The following MCM7 variants were observed in gnomAD, a reference collection of about 807,000 sequenced individuals.
MCM7 encodes DNA replication licensing factor MCM7.
In MCM7, 95 loss-of-function variants were observed where a neutral mutation model predicts 83.5. The ratio of observed to expected loss-of-function variants is 1.14; its 90% CI spans 0.96 to 1.35. The LOEUF (loss-of-function observed/expected upper bound fraction) is 1.35. Among genes scored for constraint, MCM7 ranks in the 40% most tolerant of loss-of-function variants. The pLI is 0.00. For synonymous variants in MCM7, 461 were observed against 352.7 expected (o/e 1.31, Z -3.44); for missense variants, 1,087 against 957.4 (o/e 1.14, Z -1.79).
rs943089198 is a variant in MCM7 at position 100,101,085 on chromosome 7, C to T, written c.31+179G>A. The T allele has an allele frequency of 2.0e-5, 15 of 763,092 alleles. No individual in the cohort carries two copies. In the Admixed American group the frequency reaches 2.5e-4, roughly 13 times the overall value. The allele number at this position is 763,092 out of a possible 1,614,324, so 47.3% of individuals were successfully genotyped here. Reference sequence around the variant, plus strand: ...ACTAGCTTTTCTTCAACATCGATGGCCCCCCGCACGCTTCCCAGGCCCCGT... The same window carrying T: ...ACTAGCTTTTCTTCAACATCGATGGTCCCCCGCACGCTTCCCAGGCCCCGT... On this transcript the variant is annotated intron_variant, in intron 1 of 14. Coordinates refer to ENST00000303887, the MANE Select transcript of MCM7 (RefSeq NM_005916.5).
intron 14 of MCM7, 35 bp from the exon 15 acceptor site, chr7:100,093,168 A>C (rs990807421): frequency 5.0e-6 from 8 of 1,608,942 alleles, no homozygotes; most frequent in African/African-American, 2.7e-5. Context: ...AGGTCAGGAT[A>C]CAAACAGGAA....
intron 10 of MCM7, 88 bp from the exon 11 acceptor site, chr7:100,096,255 C>A: frequency 7.4e-7 from 1 of 1,346,842 alleles, no homozygotes; most frequent in Non-Finnish European, 9.9e-7. Context: ...GGAGGCGAGG[C>A]CTGCGCTGGG....
chr7:100,098,555 A>C, intron 6 of MCM7, 23 bp downstream of exon 6: 1 of 1,613,876 alleles, frequency 6.2e-7, no homozygotes, highest in Non-Finnish European at 8.5e-7. Flanking sequence ...CCACCTGCCC[A>C]GGGCCACGTA....
In MCM7 at chr7:100,094,156, G is replaced by C. The variant is rs749405491; in HGVS notation, c.1848+17C>G. 2 of 1,614,104 alleles carry C rather than the reference G, an allele frequency of 1.2e-6. No individual in the cohort carries two copies. The highest frequency in any genetic ancestry group is 4.5e-5 in the East Asian group (2 of 44,882). ...AAGGGTCAAAACAGATGGCCCTCCA[G>C]CAATTTGGGCACTTACCAGAGCAGT... On this transcript the variant is annotated intron_variant, in intron 13 of 14. Coordinates refer to ENST00000303887, the MANE Select transcript of MCM7 (RefSeq NM_005916.5).
In MCM7 at chr7:100,099,380, G is replaced by A. The variant is rs752247025; in HGVS notation, c.300C>T (p.Asp100=). The change falls in exon 4 of 15, where the codon GAC becomes GAT. Residue 100 remains aspartate, a synonymous_variant. Transcript: ENST00000303887. Reference sequence around the variant, plus strand: ...TCATTAGCCGATGCTCAATGTAAACGTCCAGGACATCTTTATTTACCACCT... The same window carrying A: ...TCATTAGCCGATGCTCAATGTAAACATCCAGGACATCTTTATTTACCACCT... The part of the protein sequence containing the change: ...EREVVNKDVL[D]VYIEHRLMME... 7 of 1,593,262 alleles carry A rather than the reference G, an allele frequency of 4.4e-6. No individual in the cohort carries two copies. Among genetic ancestry groups the A allele is most frequent in the East Asian group, 4.6e-5 (2 of 43,774 alleles).
Position 100,093,110 on chromosome 7 carries a change from A to G in MCM7, c.1982T>C (p.Ile661Thr), listed in dbSNP as rs1795399750. ...TARTQRPADV[I>T]FATVRELVSG... ...GACCAGTTCACGGACGGTGGCAAAT[A>G]TCACATCTGCTGGTCTCTGAGTCCT... Residue 661 changes from isoleucine to threonine, a missense_variant, in exon 15 of 15, where the codon ATA becomes ACA. Coordinates refer to ENST00000303887, the MANE Select transcript of MCM7 (RefSeq NM_005916.5). 1 of 1,614,078 alleles carries G rather than the reference A, an allele frequency of 6.2e-7. No homozygotes were observed. The highest frequency in any genetic ancestry group is 1.3e-5 in the African/African-American group (1 of 75,040).
rs779913239 is a variant in MCM7 at position 100,098,683 on chromosome 7, C to T, written c.615G>A (p.Met205Ile). The T allele has an allele frequency of 1.2e-6, 2 of 1,614,006 alleles. No individual in the cohort carries two copies. The highest frequency in any genetic ancestry group is 2.2e-5 in the South Asian group (2 of 91,080). The change falls in exon 6 of 15, where the codon ATG becomes ATA. Residue 205 changes from methionine to isoleucine, a missense_variant. Transcript: ENST00000303887. ...IQSPTFMPLI[M>I]CPSQECQTNR... is the part of the protein sequence containing the mutation. Reference sequence around the variant, plus strand: ...TGGTTTGGCACTCCTGGCTTGGGCACATGATCAGAGGCATGAAAGTGGGAG... The same window carrying T: ...TGGTTTGGCACTCCTGGCTTGGGCATATGATCAGAGGCATGAAAGTGGGAG...
In MCM7 at chr7:100,094,187, G is replaced by T; in HGVS notation, c.1834C>A (p.Leu612Ile). Reference sequence around the variant, plus strand: ...TGGGCACTTACCAGAGCAGTGGAAAGGCGCAGGATAGCCAGCAGGGTCCGG... The same window carrying T: ...TGGGCACTTACCAGAGCAGTGGAAATGCGCAGGATAGCCAGCAGGGTCCGG... The part of the protein sequence containing the change: ...SARTLLAILR[L>I]STALARLRMV... Residue 612 changes from leucine to isoleucine, a missense_variant, in exon 13 of 15, where the codon CTT becomes ATT. By Grantham distance (5) the Leu-to-Ile change is conservative. Coordinates refer to ENST00000303887, the MANE Select transcript of MCM7 (RefSeq NM_005916.5). 6.2e-7 allele frequency: 1 copy of T among 1,614,244 alleles called. No homozygotes were observed. The highest frequency in any genetic ancestry group is 1.1e-5 in the South Asian group (1 of 91,088).
intron 3 of MCM7, 77 bp from the exon 4 acceptor site, chr7:100,099,480 G>C: frequency 8.2e-6 from 13 of 1,582,034 alleles, no homozygotes; most frequent in Non-Finnish European, 1.1e-5. Flanking sequence ...ACACCAGGCA[G>C]AAGTGCCCCT....
At chr7:100,095,302 A>G in intron 12 of MCM7, 85 bp downstream of exon 12, 1 of 1,205,998 alleles carries the variant, frequency 8.3e-7, no homozygotes, top group Non-Finnish European at 1.2e-6. Context: ...TGTGAAAAAC[A>G]CACACCCTAA....
Position 100,099,280 on chromosome 7 carries a change from A to G in MCM7, c.400T>C (p.Phe134Leu). The G allele has an allele frequency of 6.2e-7, 1 of 1,614,130 alleles. No homozygotes were observed. The highest frequency in any genetic ancestry group is 8.5e-7 in the Non-Finnish European group (1 of 1,180,004). ...TCTTTCCCGACAGAGACCACTCACA[A>G]TCTGCGCATGAGTTCAGCAGGGTAC... ...NQYPAELMRR[F>L]ELYFQGPSSN... The change falls in exon 4 of 15, where the codon TTT becomes CTT. Residue 134 changes from phenylalanine to leucine, a missense_variant and splice_region_variant. Transcript: ENST00000303887.
intron 7 of MCM7, 25 bp from the exon 8 acceptor site, chr7:100,097,973 C>T (rs748595676): frequency 2.5e-6 from 4 of 1,603,362 alleles, no homozygotes; most frequent in African/African-American, 1.3e-5. Context: ...TGCCAGGATA[C>T]AGATGTAATC....
rs1308273469 is a variant in MCM7, at chr7:100,094,205, G to A, written c.1816C>T (p.Leu606=). 6 of 1,614,110 alleles carry A rather than the reference G, an allele frequency of 3.7e-6. No homozygotes were observed. In the South Asian group the frequency reaches 5.5e-5, roughly 15 times the overall value. Residue 606 remains leucine (L), a synonymous_variant, in exon 13 of 15, where the codon CTG becomes TTG. Coordinates refer to ENST00000303887, the MANE Select transcript of MCM7 (RefSeq NM_005916.5). The stretch of plus-strand genomic sequence containing the variant: ...GTGGAAAGGCGCAGGATAGCCAGCA[G>A]GGTCCGGGCAGAAGTATAGGTGGCA... ...KDATYTSART[L]LAILRLSTAL...
rs1795749589 is a variant in MCM7, at chr7:100,098,227, T to C, written c.784A>G (p.Thr262Ala). 1.9e-6 allele frequency: 3 copies of C among 1,614,122 alleles called. No individual in the cohort carries two copies. Among genetic ancestry groups the C allele is most frequent in the Non-Finnish European group, 2.5e-6 (3 of 1,179,994 alleles). The change falls in exon 7 of 15, where the codon ACA becomes GCA. Residue 262 changes from threonine to alanine, a missense_variant. By Grantham distance (58) the Thr-to-Ala change is moderately conservative (BLOSUM62 0). Transcript: ENST00000303887. ...SITVLVEGEN[T>A]RIAQPGDHVS... ...TGGTCTCCAGGCTGGGCAATCCTTG[T>C]GTTCTCTCCTTCTACCAGCACCGTG...
At chr7:100,097,267 C>G (rs1432485130) in intron 10 of MCM7, 34 bp downstream of exon 10, 1 of 1,586,936 alleles carries the variant, frequency 6.3e-7, no homozygotes, top group Non-Finnish European at 8.7e-7. Flanking sequence ...CTGTCTGTCA[C>G]TATATTCACC....
chr7:100,094,082 C>G, intron 13 of MCM7, 91 bp downstream of exon 13: 1 of 1,506,804 alleles, frequency 6.6e-7, no homozygotes, highest in Non-Finnish European at 9.2e-7. Flanking sequence ...AGGGCTGGAG[C>G]GGGAGGTGGG....
At chr7:100,100,902 A>C in intron 1 of MCM7, 1 of 1,048,882 alleles carries the variant, frequency 9.5e-7, no homozygotes, top group East Asian at 6.6e-5. Context: ...GAACCTGGGA[A>C]TGCCCAAAAG....
intron 12 of MCM7, among the ~76,000 whole-genome samples, chr7:100,094,815 T>C (rs1795531008): frequency 6.6e-6 from 1 of 152,218 alleles, no homozygotes; most frequent in Non-Finnish European, 1.5e-5. Context: ...TATTTGCATA[T>C]GCATGAGATA....
chr7:100,097,298 T>G lies in MCM7; in HGVS notation c.1201+3A>C. On this transcript the variant is annotated splice_donor_region_variant and intron_variant, in intron 10 of 14. Coordinates refer to ENST00000303887, the MANE Select transcript of MCM7 (RefSeq NM_005916.5). ...TCACCTCCCGCAAAGCCCAACTACT[T>G]ACTGCGAGGCGCCAGTCGATCAATG... The G allele has an allele frequency of 6.2e-7, 1 of 1,613,920 alleles. No individual in the cohort carries two copies. The highest frequency in any genetic ancestry group is 8.5e-7 in the Non-Finnish European group (1 of 1,179,858).
Sources: allele counts gnomAD v4.1 joint callset (sites outside exome capture counted in the v4.1 genomes callset), GRCh38; gene constraint gnomAD v4.1.1; transcripts MANE v1.5; gene names NCBI Gene and HGNC (gene_info 2026-07-23, HGNC 2026-07-21).